The following TGFBR1 variants were observed in gnomAD, a reference collection of about 807,000 sequenced individuals.
TGFBR1 encodes the protein TGF-beta receptor type-1.
In TGFBR1, 20 loss-of-function variants were observed where a neutral mutation model predicts 55.1. That is an observed-to-expected ratio of 0.36 (90% CI 0.26 to 0.53). The LOEUF (loss-of-function observed/expected upper bound fraction) is 0.53. Ranked by LOEUF, TGFBR1 falls within the 20% of genes least tolerant of loss-of-function variation. TGFBR1 has a pLI of 0.91. For synonymous variants in TGFBR1, 220 were observed against 214.8 expected, an observed-to-expected ratio of 1.02 and a Z score of -0.21; for missense variants, 385 against 617.6, an observed-to-expected ratio of 0.62 and a Z score of 3.99.
At chr9:99,144,643 G>A in intron 5 of TGFBR1, 89 bp from the exon 6 acceptor site, 3 of 1,490,008 alleles carry the variant, frequency 2.0e-6, no homozygotes, top group Non-Finnish European at 2.8e-6. Context: ...TGATAATTTG[G>A]GTTGGGAGAA....
intron 1 of TGFBR1, among the ~76,000 whole-genome samples, chr9:99,106,227 T>C (rs1381029576): frequency 6.6e-6 from 1 of 152,230 alleles, no homozygotes; most frequent in Non-Finnish European, 1.5e-5. Context: ...TCTGTATAGC[T>C]GGTTTTCAAG....
rs2118575537 is a variant in TGFBR1, at chr9:99,129,079, A to G, written c.322A>G (p.Lys108Glu). Residue 108 changes from lysine (K) to glutamate (E), a missense_variant, in exon 2 of 9, where the codon AAA becomes GAA. Physicochemically the swap from Lys to Glu is moderately conservative, Grantham distance 56. Around this residue, in one of 5 missense-constraint regions of TGFBR1, gnomAD observed 146 missense variants for 167.7 expected, o/e 0.87. Coordinates refer to ENST00000374994, the MANE Select transcript of TGFBR1 (RefSeq NM_004612.4). Reference protein sequence around the residue: ...TYCCNQDHCNKIELPTTVKSS... With the variant: ...TYCCNQDHCNEIELPTTVKSS... ...TTGCTGCAATCAGGACCATTGCAAT[A>G]AAATAGAACTTCCAACTACTGGTAA... 3.1e-6 allele frequency: 5 copies of G among 1,613,972 alleles called. No homozygotes were observed. The highest frequency in any genetic ancestry group is 1.3e-5 in the African/African-American group (1 of 75,060).
intron 1 of TGFBR1, among the ~76,000 whole-genome samples, chr9:99,128,475 T>TTAA (rs757397252): frequency 6.7e-4 from 70 of 104,038 alleles, no homozygotes; most frequent in Non-Finnish European, 1.1e-3. Context: ...TTGGGCCTGG[T>TTAA]AAAAAAAAAA....
chr9:99,117,377 C>A (rs1370905637), intron 1 of TGFBR1, among the ~76,000 whole-genome samples: 2 of 151,852 alleles, frequency 1.3e-5, no homozygotes, highest in African/African-American at 4.8e-5. Flanking sequence ...GGGATTACAG[C>A]GTGAGCCACC....
chr9:99,135,563 TG>T (rs1263617019), intron 3 of TGFBR1, among the ~76,000 whole-genome samples: 2 of 152,246 alleles, frequency 1.3e-5, no homozygotes, highest in Non-Finnish European at 2.9e-5. Flanking sequence ...AGCTGGGTTC[TG>T]GCAGCTGTAC....
chr9:99,130,627 G>C (rs1169334929), intron 2 of TGFBR1, among the ~76,000 whole-genome samples: 1 of 152,104 alleles, frequency 6.6e-6, no homozygotes, highest in Non-Finnish European at 1.5e-5. Flanking sequence ...TGTTTCTAAT[G>C]AACATATATA....
chr9:99,149,331 T>G lies in TGFBR1; in HGVS notation c.*26T>G, dbSNP rs781117226. ...TTCTACAGCTTTGCCTGAACTCTCC[T>G]TTTTTCTTCAGATCTGCTCCTGGGT... On this transcript the variant is annotated 3_prime_UTR_variant, in exon 9 of 9. Coordinates refer to ENST00000374994, the MANE Select transcript of TGFBR1 (RefSeq NM_004612.4). The G allele has an allele frequency of 3.1e-6, 5 of 1,612,940 alleles. No individual in the cohort carries two copies. In the South Asian group the frequency reaches 4.4e-5, roughly 14 times the overall value.
At chr9:99,135,320 A>G (rs772376693) in intron 3 of TGFBR1, among the ~76,000 whole-genome samples, 21 of 152,230 alleles carry the variant, frequency 1.4e-4, no homozygotes, top group Non-Finnish European at 2.6e-4. Context: ...TCTATTCATT[A>G]TAAATCCTTA....
At chr9:99,113,359 TG>T (rs1826639934) in intron 1 of TGFBR1, among the ~76,000 whole-genome samples, 1 of 152,232 alleles carries the variant, frequency 6.6e-6, no homozygotes. Flanking sequence ...CTTTTCCTGT[TG>T]TTTTTCTCAA....
rs2118706470 is a variant in TGFBR1 at position 99,137,839 on chromosome 9, C to T, written c.575-20C>T. 6.3e-7 allele frequency: 1 copy of T among 1,588,082 alleles called. No homozygotes were observed. Among genetic ancestry groups the T allele is most frequent in the Non-Finnish European group, 8.6e-7 (1 of 1,156,632 alleles). ...GTAATATTGTTGATTGTGTTGAGTA[C>T]TATTTATTTTTACCTTTAGGTTTAC... On this transcript the variant is annotated intron_variant, in intron 3 of 8. Coordinates refer to ENST00000374994, the MANE Select transcript of TGFBR1 (RefSeq NM_004612.4).
intron 1 of TGFBR1, among the ~76,000 whole-genome samples, chr9:99,123,148 A>G (rs972771758): frequency 6.6e-6 from 1 of 152,120 alleles, no homozygotes; most frequent in African/African-American, 2.4e-5. Flanking sequence ...AGCATTTTGC[A>G]TGAGGGATAC....
At position 99,153,064 on chromosome 9, in the gene TGFBR1, G is replaced by A. The variant is rs200535063; in HGVS notation, c.*3759G>A. 5 of 228,032 alleles carry A rather than the reference G, an allele frequency of 2.2e-5. No individual in the cohort carries two copies. Among genetic ancestry groups the A allele is most frequent in the Middle Eastern group, 1.3e-3 (1 of 770 alleles). 14.1% of individuals were successfully genotyped at this position (228,032 alleles called of 1,614,324 possible). A position where few individuals can be genotyped will look rare whatever the true frequency, so the allele number is the denominator to read the frequency against. On this transcript the variant is annotated 3_prime_UTR_variant, in exon 9 of 9. Transcript: ENST00000374994. Reference sequence around the variant, plus strand: ...TTGTGAACTGAATATCATGAACCATGTTTTGATACCCCTTTTTCACGTTGT... The same window carrying A: ...TTGTGAACTGAATATCATGAACCATATTTTGATACCCCTTTTTCACGTTGT...
At chr9:99,134,393 A>G (rs1355795100) in intron 3 of TGFBR1, among the ~76,000 whole-genome samples, 1 of 152,174 alleles carries the variant, frequency 6.6e-6, no homozygotes, top group Non-Finnish European at 1.5e-5. Context: ...TTGGACTTAG[A>G]TGAAGCAGTC....
rs146619260 is a variant in TGFBR1 at position 99,115,019 on chromosome 9, G to A, written c.97+9717G>A. Reference sequence around the variant, plus strand: ...CAGTATTCATGGAAAAGATAGGCACGTACATTAGCATGAGGGCATTCTGTG... The same window carrying A: ...CAGTATTCATGGAAAAGATAGGCACATACATTAGCATGAGGGCATTCTGTG... On this transcript the variant is annotated intron_variant, in intron 1 of 8. Coordinates refer to ENST00000374994, the MANE Select transcript of TGFBR1 (RefSeq NM_004612.4). Among the ~76,000 whole-genome samples the A allele has an allele frequency of 3.9e-5, 6 of 152,216 alleles. No homozygotes were observed. The East Asian group carries it at 9.7e-4, about 24-fold the overall frequency.
At chr9:99,113,962 T>TC (rs532032259) in intron 1 of TGFBR1, among the ~76,000 whole-genome samples, 142 of 152,340 alleles carry the variant, frequency 9.3e-4, no homozygotes, top group African/African-American at 3.2e-3. Flanking sequence ...CGGACTTGTT[T>TC]ATCTCTAAGC....
chr9:99,150,281 T>G lies in TGFBR1; in HGVS notation c.*976T>G, dbSNP rs890991199. On this transcript the variant is annotated 3_prime_UTR_variant, in exon 9 of 9. Transcript: ENST00000374994. ...ACTTTTAAAAAATCAAGTGGCACTC[T>G]AGATGCTTATAGTACTTTAATATTT... is the stretch of plus-strand genomic sequence containing the variant. 4 of 195,812 alleles carry G rather than the reference T, an allele frequency of 2.0e-5. No homozygotes were observed. Among genetic ancestry groups the G allele is most frequent in the Non-Finnish European group, 3.2e-5 (3 of 93,962 alleles). 12.1% of individuals were successfully genotyped at this position (195,812 alleles called of 1,614,324 possible). A position where few individuals can be genotyped will look rare whatever the true frequency, so the allele number is the denominator to read the frequency against.
rs56020300 is a variant in TGFBR1, at chr9:99,147,869, ACTTTT to A, written c.1386+90_1386+94del. On this transcript the variant is annotated intron_variant, in intron 8 of 8. Transcript: ENST00000374994. ...AGTTTGCTACTTTTCTTTAAGGAAA[ACTTTT>A]CTTTAAGAATTTTCTTTTTCATAGC... The A allele has an allele frequency of 0.18, 272,530 of 1,532,618 alleles. 25,862 individuals are homozygous for A. Among genetic ancestry groups the A allele is most frequent in the Non-Finnish European group, 0.2 (218,068 of 1,114,386 alleles). The allele number at this position is 1,532,618 out of a possible 1,614,324, so 94.9% of individuals were successfully genotyped here.
chr9:99,142,593 T>A lies in TGFBR1; in HGVS notation c.863T>A (p.Leu288His). ...LVSDYHEHGS[L>H]FDYLNRYTVT... ...TCAGATTATCATGAGCATGGATCCC[T>A]TTTTGATTACTTAAACAGATACACA... Residue 288 changes from leucine to histidine, a missense_variant, in exon 5 of 9, where the codon CTT becomes CAT. By Grantham distance (99) the Leu-to-His change is moderately conservative. Transcript: ENST00000374994. 6.2e-7 allele frequency: 1 copy of A among 1,614,086 alleles called. No homozygotes were observed. Among genetic ancestry groups the A allele is most frequent in the Non-Finnish European group, 8.5e-7 (1 of 1,179,934 alleles).
At chr9:99,124,479 C>T (rs548364172) in intron 1 of TGFBR1, among the ~76,000 whole-genome samples, 2 of 151,798 alleles carry the variant, frequency 1.3e-5, no homozygotes, top group South Asian at 2.1e-4. Flanking sequence ...GAAATTTTGC[C>T]ATGTATATGC....
Sources: gnomAD v4.1 joint callset for allele counts (sites outside exome capture counted in the v4.1 genomes callset) on GRCh38, gnomAD v4.1.1 for gene constraint, gnomAD v4.1.1 regional missense constraint, MANE v1.5 for transcripts, NCBI Gene and HGNC (gene_info 2026-07-23, HGNC 2026-07-21) for gene names.